Variants in MAPKAPK2 observed in about 807,000 individuals in gnomAD.
MAPKAPK2 encodes the protein MAPK activated protein kinase 2, also known as MAP kinase-activated protein kinase 2.
MAPKAPK2 carries 9 observed loss-of-function variants against 48.8 expected under a neutral mutation model. The ratio of observed to expected loss-of-function variants is 0.18; its 90% CI spans 0.11 to 0.32. The LOEUF (loss-of-function observed/expected upper bound fraction) is 0.32. Ranked by LOEUF, MAPKAPK2 falls within the 10% of genes least tolerant of loss-of-function variation. The probability of loss-of-function intolerance (pLI) is 1.00; values close to 1 mark genes in which losing one functional copy is unlikely to be tolerated. For missense variants in MAPKAPK2, 331 were observed against 498.3 expected, an observed-to-expected ratio of 0.66 and a Z score of 3.20; for synonymous variants, 202 against 190.6, an observed-to-expected ratio of 1.06 and a Z score of -0.49.
chr1:206,713,384 T>C (rs981408795), intron 1 of MAPKAPK2, among the ~76,000 whole-genome samples: 7 of 152,080 alleles, frequency 4.6e-5, no homozygotes, highest in Admixed American at 1.3e-4. Context: ...AGGGGATGTG[T>C]TGGGAGGTTA....
chr1:206,730,359 GTCTTGTTCTGGAGCC>G (rs1673863796), intron 5 of MAPKAPK2, among the ~76,000 whole-genome samples: 1 of 152,212 alleles, frequency 6.6e-6, no homozygotes, highest in African/African-American at 2.4e-5. Flanking sequence ...CTGGACCCAG[GTCTTGTTCTGGAGCC>G]ACAGCTGATT....
chr1:206,689,852 A>G (rs186409722), intron 1 of MAPKAPK2, among the ~76,000 whole-genome samples: 42 of 152,324 alleles, frequency 2.8e-4, no homozygotes, highest in African/African-American at 8.7e-4. Context: ...GCAGAAGAAC[A>G]TTTTCATCCT....
intron 1 of MAPKAPK2, among the ~76,000 whole-genome samples, chr1:206,699,484 T>G (rs916808586): frequency 1.6e-4 from 24 of 152,288 alleles, no homozygotes; most frequent in African/African-American, 5.1e-4. Flanking sequence ...GGGCTCCGTA[T>G]TTTGTCTGGC....
Position 206,704,777 on chromosome 1 carries a change from C to G in MAPKAPK2, c.279+19269C>G, listed in dbSNP as rs1477798378. Among the ~76,000 whole-genome samples, 1 of 152,206 alleles carries G rather than the reference C, an allele frequency of 6.6e-6. No homozygotes were observed. The highest frequency in any genetic ancestry group is 1.5e-5 in the Non-Finnish European group (1 of 68,040). ...TGCACTTCTTAATCTGTCCATTCAT[C>G]TGTTCACTGCAGGCTTATTGAGGGA... On this transcript the variant is annotated intron_variant, in intron 1 of 9. Transcript: ENST00000367103. This position sits in a 1 kb window ranked among gnomAD's most constrained non-coding sequence, Gnocchi z 4.3.
chr1:206,730,864 A>G, intron 6 of MAPKAPK2, 101 bp downstream of exon 6: 3 of 1,284,758 alleles, frequency 2.3e-6, no homozygotes, highest in South Asian at 1.2e-5. Flanking sequence ...TCCCCTTTGT[A>G]CAGGGGAGTC....
intron 1 of MAPKAPK2, among the ~76,000 whole-genome samples, chr1:206,724,094 G>C (rs782323832): frequency 6.6e-6 from 1 of 152,218 alleles, no homozygotes; most frequent in African/African-American, 2.4e-5. Flanking sequence ...TGGCTTTTTA[G>C]TGGGAAGACC....
Position 206,731,513 on chromosome 1 carries a change from A to G in MAPKAPK2, c.893-127A>G. On this transcript the variant is annotated intron_variant, in intron 7 of 9. Transcript: ENST00000367103. The surrounding 1 kb of genome is among the most constrained non-coding windows in gnomAD (Gnocchi z 5.9). ...TACAGCCGTAATGGTCCTTGGGGCC[A>G]GTTGCTCCGGCAGCCTGCCTCCATG... The G allele has an allele frequency of 9.2e-7, 1 of 1,083,774 alleles. No individual in the cohort carries two copies. The highest frequency in any genetic ancestry group is 2.4e-5 in the East Asian group (1 of 42,248). 67.1% of individuals were successfully genotyped at this position (1,083,774 alleles called of 1,614,324 possible). A position where few individuals can be genotyped will look rare whatever the true frequency, so the allele number is the denominator to read the frequency against.
At chr1:206,692,535 G>A (rs1553426448) in intron 1 of MAPKAPK2, among the ~76,000 whole-genome samples, 1 of 152,208 alleles carries the variant, frequency 6.6e-6, no homozygotes, top group African/African-American at 2.4e-5. Flanking sequence ...TTGGTGGGAG[G>A]AGGAAGAAAG....
chr1:206,720,810 A>G (rs1307657540), intron 1 of MAPKAPK2, among the ~76,000 whole-genome samples: 2 of 152,234 alleles, frequency 1.3e-5, no homozygotes, highest in Non-Finnish European at 2.9e-5. Flanking sequence ...TTTGGGATGC[A>G]GAAGAAAAAA....
At chr1:206,723,806 A>ATT (rs1393706877) in intron 1 of MAPKAPK2, among the ~76,000 whole-genome samples, 1 of 152,178 alleles carries the variant, frequency 6.6e-6, no homozygotes, top group Admixed American at 6.5e-5. Context: ...ATGGGACTGT[A>ATT]TTTAGGCAGC....
chr1:206,695,395 T>A (rs74147159), intron 1 of MAPKAPK2, among the ~76,000 whole-genome samples: 2,071 of 151,522 alleles, frequency 0.014, 34 homozygotes, highest in African/African-American at 0.048. Context: ...AGTGGGTCTC[T>A]CTGCCTGCAG....
chr1:206,731,566 A>G lies in MAPKAPK2; in HGVS notation c.893-74A>G, dbSNP rs955552148. 7.3e-7 allele frequency: 1 copy of G among 1,361,006 alleles called. No individual in the cohort carries two copies. The highest frequency in any genetic ancestry group is 1.1e-6 in the Non-Finnish European group (1 of 950,262). The allele number at this position is 1,361,006 out of a possible 1,614,324, so 84.3% of individuals were successfully genotyped here. A position where few individuals can be genotyped will look rare whatever the true frequency, so the allele number is the denominator to read the frequency against. On this transcript the variant is annotated intron_variant, in intron 7 of 9. Coordinates refer to ENST00000367103, the MANE Select transcript of MAPKAPK2 (RefSeq NM_032960.4). This position sits in a 1 kb window ranked among gnomAD's most constrained non-coding sequence, Gnocchi z 5.9. ...CCCCCTCTTTGAACCTGGTTTCCCC[A>G]TGAAAACTGGGGAAAGGAGCAGGCC...
chr1:206,730,784 GCTGGGT>G, intron 6 of MAPKAPK2, 21 bp downstream of exon 6: 17 of 1,548,184 alleles, frequency 1.1e-5, no homozygotes, highest in Non-Finnish European at 1.3e-5. Flanking sequence ...TGGGGAGGGG[GCTGGGT>G]GGGGCAGGGA....
At position 206,685,328 on chromosome 1, in the gene MAPKAPK2, G is replaced by A; in HGVS notation, c.99G>A (p.Ala33=). ...PPTPALPHPP[A]QPPPPPPQQF... ...CCCCTGCCCTGCCGCACCCCCCGGCGCAGCCGCCGCCGCCGCCCCCGCAGC... is the reference window on the plus strand; with the variant it reads ...CCCCTGCCCTGCCGCACCCCCCGGCACAGCCGCCGCCGCCGCCCCCGCAGC... Residue 33 remains alanine (A), a synonymous_variant, in exon 1 of 10, where the codon GCG becomes GCA. Transcript: ENST00000367103. 1.6e-6 allele frequency: 2 copies of A among 1,233,964 alleles called. No homozygotes were observed. Among genetic ancestry groups the A allele is most frequent in the Non-Finnish European group, 2.1e-6 (2 of 937,486 alleles). The allele number at this position is 1,233,964 out of a possible 1,614,324, so 76.4% of individuals were successfully genotyped here.
intron 4 of MAPKAPK2, 104 bp downstream of exon 4, chr1:206,729,579 T>C: frequency 1.0e-6 from 1 of 995,488 alleles, no homozygotes; most frequent in Non-Finnish European, 1.6e-6. Context: ...CCTTGCTGCC[T>C]GGTTCCTGAG....
chr1:206,691,589 A>G (rs1392816194), intron 1 of MAPKAPK2, among the ~76,000 whole-genome samples: 3 of 151,270 alleles, frequency 2.0e-5, no homozygotes, highest in Admixed American at 1.3e-4. Context: ...ATAAGTGCAT[A>G]CATAAATAGA....
rs782309592 is a variant in MAPKAPK2 at position 206,731,960 on chromosome 1, G to A, written c.1059+41G>A. 1.9e-6 allele frequency: 3 copies of A among 1,614,164 alleles called. No homozygotes were observed. Among genetic ancestry groups the A allele is most frequent in the South Asian group, 2.2e-5 (2 of 91,082 alleles). On this transcript the variant is annotated intron_variant, in intron 9 of 9. Coordinates refer to ENST00000367103, the MANE Select transcript of MAPKAPK2 (RefSeq NM_032960.4). This position sits in a 1 kb window ranked among gnomAD's most constrained non-coding sequence, Gnocchi z 5.9. ...GGGTGAGAGGGGCTCCAGGTGGGGT[G>A]GGCGGCTTGCGGGGAGTGCCCAGGT...
intron 1 of MAPKAPK2, among the ~76,000 whole-genome samples, chr1:206,709,257 C>A (rs782129012): frequency 2.6e-5 from 4 of 152,186 alleles, no homozygotes; most frequent in African/African-American, 9.7e-5. Context: ...TTCTCTTCTT[C>A]CGGCAATTCA....
chr1:206,697,877 G>A (rs930509913), intron 1 of MAPKAPK2, among the ~76,000 whole-genome samples: 58 of 152,256 alleles, frequency 3.8e-4, no homozygotes, highest in African/African-American at 1.4e-3. Flanking sequence ...AACTCTACCT[G>A]TGTGGCCCCA....
Sources: allele counts gnomAD v4.1 joint callset (sites outside exome capture counted in the v4.1 genomes callset), GRCh38; gene constraint gnomAD v4.1.1; non-coding constraint Gnocchi (gnomAD v3.1); transcripts MANE v1.5; gene names NCBI Gene and HGNC (gene_info 2026-07-23, HGNC 2026-07-21).